ZNF385A: variants seen among roughly 807,000 people sequenced by gnomAD.
ZNF385A encodes hematopoietic zinc finger protein.
ZNF385A carries 14 observed loss-of-function variants against 32.1 expected under a neutral mutation model. That is an observed-to-expected ratio of 0.44 (90% confidence interval 0.29 to 0.68). ZNF385A has a LOEUF of 0.68. ZNF385A is among the 30% of genes least tolerant of loss of function. ZNF385A has a pLI of 0.14. For missense variants in ZNF385A, 406 were observed against 478.4 expected (o/e 0.85, Z 1.41); for synonymous variants, 197 against 202.7 (o/e 0.97, Z 0.24).
chr12:54,382,923 G>A (rs183751046), intron 1 of ZNF385A, among the ~76,000 whole-genome samples: 3 of 152,136 alleles, frequency 2.0e-5, no homozygotes, highest in Non-Finnish European at 2.9e-5. Context: ...CCCAGCACTT[G>A]GGAGGCTGAG....
chr12:54,373,307 G>A (rs2137182076), intron 3 of ZNF385A, among the ~76,000 whole-genome samples: 1 of 152,212 alleles, frequency 6.6e-6, no homozygotes, highest in East Asian at 1.9e-4. Context: ...ATTGACATCC[G>A]ATGTGGTAAT....
chr12:54,375,824 T>G lies in ZNF385A; in HGVS notation c.198+20A>C, dbSNP rs1207711874. 6.2e-7 allele frequency: 1 copy of G among 1,609,774 alleles called. No homozygotes were observed. The highest frequency in any genetic ancestry group is 8.5e-7 in the Non-Finnish European group (1 of 1,176,130). On this transcript the variant is annotated intron_variant, in intron 2 of 6. Transcript: ENST00000394313. ...GCCCCTGCCCCACCCACTGGGTAGA[T>G]GAGCAGCTTGGCTTCTTACCTGAGA...
chr12:54,376,012 C>G lies in ZNF385A; in HGVS notation c.88-58G>C, dbSNP rs967637552. ...CTAGCGCAACTCATGTCCAGCATTC[C>G]CCCAACACAGATATCTGTGTTGAAC... On this transcript the variant is annotated intron_variant, in intron 1 of 6. Transcript: ENST00000394313. 37 of 1,396,056 alleles carry G rather than the reference C, an allele frequency of 2.7e-5. No individual in the cohort carries two copies. The Admixed American group carries it at 6.1e-4, about 23-fold the overall frequency. 86.5% of individuals were successfully genotyped at this position (1,396,056 alleles called of 1,614,324 possible).
chr12:54,374,075 C>A lies in ZNF385A; in HGVS notation c.259G>T (p.Ala87Ser). The A allele has an allele frequency of 6.2e-7, 1 of 1,601,334 alleles. No homozygotes were observed. The highest frequency in any genetic ancestry group is 8.5e-7 in the Non-Finnish European group (1 of 1,171,280). ...RHARRVKGIE[A>S]AKTRGREPGV... ...GGCTCCCTGCCTCTGGTCTTGGCAG[C>A]CTCAATGCCTTTGACTCGTCGGGCG... is the stretch of plus-strand genomic sequence containing the variant. Residue 87 changes from alanine (A) to serine (S), a missense_variant, in exon 3 of 7, where the codon GCT (alanine) becomes TCT (serine). Ala to Ser is a moderately conservative substitution (Grantham distance 99). Transcript: ENST00000394313.
At chr12:54,384,382 G>C in intron 1 of ZNF385A, 46 bp downstream of exon 1, 1 of 1,535,520 alleles carries the variant, frequency 6.5e-7, no homozygotes, top group South Asian at 1.2e-5. Context: ...GAGAGAGAAA[G>C]GTCGGGTCAC....
At chr12:54,379,039 G>A (rs1435936324) in intron 1 of ZNF385A, 293 of 984,192 alleles carry the variant, frequency 3.0e-4, no homozygotes, top group Non-Finnish European at 3.4e-4. Context: ...CGGGAGTCAG[G>A]GAGAGAGGAG....
chr12:54,371,568 C>G lies in ZNF385A; in HGVS notation c.509G>C (p.Ser170Thr). The change falls in exon 4 of 7, where the codon AGC (serine) becomes ACC (threonine). Residue 170 changes from serine to threonine, a missense_variant. Coordinates refer to ENST00000394313, the MANE Select transcript of ZNF385A (RefSeq NM_015481.3). ...TPAPASLPGG[S>T]KEEEEKAKRL... Reference sequence around the variant, plus strand: ...CTTGGCTTTCTCCTCCTCTTCCTTGCTACCCCCAGGCAAGGAAGCCGGGGC... The same window carrying G: ...CTTGGCTTTCTCCTCCTCTTCCTTGGTACCCCCAGGCAAGGAAGCCGGGGC... 1 of 1,613,792 alleles carries G rather than the reference C, an allele frequency of 6.2e-7. No homozygotes were observed. The highest frequency in any genetic ancestry group is 8.5e-7 in the Non-Finnish European group (1 of 1,179,860).
rs1356562204 is a variant in ZNF385A, at chr12:54,369,992, G to T, written c.*264C>A. 11 of 388,550 alleles carry T rather than the reference G, an allele frequency of 2.8e-5. No homozygotes were observed. The highest frequency in any genetic ancestry group is 4.6e-5 in the Non-Finnish European group (10 of 217,958). The allele number at this position is 388,550 out of a possible 1,614,324, so 24.1% of individuals were successfully genotyped here. On this transcript the variant is annotated 3_prime_UTR_variant, in exon 7 of 7. Coordinates refer to ENST00000394313, the MANE Select transcript of ZNF385A (RefSeq NM_015481.3). ...TTGGGAGGGGGGGTGTCTCCAAGGG[G>T]GCTCGGGGGTGAGACGGCCCCCCCT...
chr12:54,390,677 C>A (rs969264574), intron 1 of ZNF385A, among the ~76,000 whole-genome samples: 8 of 150,922 alleles, frequency 5.3e-5, no homozygotes, highest in African/African-American at 1.7e-4. Context: ...CTCTTCTCCC[C>A]AGCCCCTCTG....
intron 4 of ZNF385A, 135 bp from the exon 5 acceptor site, chr12:54,371,231 C>A: frequency 9.0e-7 from 1 of 1,110,618 alleles, no homozygotes. Flanking sequence ...TCTAACTAAG[C>A]TCCTTGGGAC....
rs1592230434 is a variant in ZNF385A at position 54,371,512 on chromosome 12, C to T, written c.565G>A (p.Ala189Thr). ...RLLYCALCKV[A>T]VNSLSQLEAH... The stretch of plus-strand genomic sequence containing the variant: ...TCAAGCTGGGACAGGGAGTTCACAG[C>T]CACCTTGCACAGAGCACAGTAGAGC... The change falls in exon 4 of 7, where the codon GCT (alanine) becomes ACT (threonine). Residue 189 changes from alanine to threonine, a missense_variant. By Grantham distance (58) the Ala-to-Thr change is moderately conservative. Transcript: ENST00000394313. 6.2e-7 allele frequency: 1 copy of T among 1,610,158 alleles called. No homozygotes were observed. Among genetic ancestry groups the T allele is most frequent in the South Asian group, 1.1e-5 (1 of 90,830 alleles).
rs900836833 is a variant in ZNF385A at position 54,373,496 on chromosome 12, A to C, written c.361+477T>G. ...TCTATTTCCCAGAAAAAAAAAAAAA[A>C]AACTCTGACTAGGGAGGTCAAAAGG... On this transcript the variant is annotated intron_variant, in intron 3 of 6. Transcript: ENST00000394313. Among the ~76,000 whole-genome samples the C allele has an allele frequency of 3.3e-5, 5 of 152,044 alleles. 1 individual carries two copies. The highest frequency in any genetic ancestry group is 3.3e-4 in the Admixed American group (5 of 15,290).
chr12:54,370,977 G>A lies in ZNF385A; in HGVS notation c.724C>T (p.His242Tyr). The change falls in exon 5 of 7, where the codon CAC (histidine) becomes TAC (tyrosine). Residue 242 changes from histidine (H) to tyrosine (Y), a missense_variant. By Grantham distance (83) the His-to-Tyr change is moderately conservative. Transcript: ENST00000394313. This position sits in a 1 kb window ranked among gnomAD's most constrained non-coding sequence, Gnocchi z 5.5. ...ACCTTGACATTGCAGATCTCACAGT[G>A]GAAAGTTCGGTCCTGGGCAGGAGCC... ...PEAPAQDRTF[H>Y]CEICNVKVNS... 1 of 1,614,218 alleles carries A rather than the reference G, an allele frequency of 6.2e-7. No individual in the cohort carries two copies. The highest frequency in any genetic ancestry group is 8.5e-7 in the Non-Finnish European group (1 of 1,180,036).
upstream of ZNF385A, chr12:54,384,796 C>G: frequency 4.9e-6 from 6 of 1,233,004 alleles, no homozygotes; most frequent in Non-Finnish European, 6.1e-6. Flanking sequence ...TTCACTTCCC[C>G]CTTTTCCAGC....
At chr12:54,371,231 C>T (rs1220091370) in intron 4 of ZNF385A, 135 bp from the exon 5 acceptor site, 5 of 1,110,498 alleles carry the variant, frequency 4.5e-6, no homozygotes, top group Middle Eastern at 2.3e-4. Context: ...TCTAACTAAG[C>T]TCCTTGGGAC....
At chr12:54,385,288 A>G (rs1055149317), upstream of ZNF385A, 4 of 152,266 alleles carry the variant, frequency 2.6e-5, no homozygotes, top group South Asian at 6.2e-4. Flanking sequence ...GACCTGGCCT[A>G]TGGGCGGGGA....
chr12:54,369,967 T>G lies in ZNF385A; in HGVS notation c.*289A>C. 1.9e-5 allele frequency: 6 copies of G among 313,680 alleles called. No homozygotes were observed. The highest frequency in any genetic ancestry group is 2.4e-5 in the Non-Finnish European group (4 of 170,046). 19.4% of individuals were successfully genotyped at this position (313,680 alleles called of 1,614,324 possible). On this transcript the variant is annotated 3_prime_UTR_variant, in exon 7 of 7. Coordinates refer to ENST00000394313, the MANE Select transcript of ZNF385A (RefSeq NM_015481.3). ...GGGAAGGGCTGGATGGACATGGCTT[T>G]TGGGAGGGGGGGTGTCTCCAAGGGG...
At position 54,370,633 on chromosome 12, in the gene ZNF385A, TC is replaced by T; in HGVS notation, c.862del (p.Glu288SerfsTer6). 1 of 1,600,208 alleles carries T rather than the reference TC, an allele frequency of 6.2e-7. No homozygotes were observed. ...CCAGCATCCAGGCCTCACCGCCAGC[TC>T]CCCGGCGCCCCTAGACTTCTTGTGA... ...SRHKKSRGAG[E>X]LAGTLTFSKE... On this transcript the variant is annotated frameshift_variant, in exon 6 of 7. Coordinates refer to ENST00000394313, the MANE Select transcript of ZNF385A (RefSeq NM_015481.3). LOFTEE classifies it low-confidence loss of function (END_TRUNC). The surrounding 1 kb of genome is among the most constrained non-coding windows in gnomAD (Gnocchi z 5.5).
In ZNF385A at chr12:54,370,135, G is replaced by GGT; in HGVS notation, c.*119_*120dup. 1 of 777,680 alleles carries GGT rather than the reference G, an allele frequency of 1.3e-6. No homozygotes were observed. The highest frequency in any genetic ancestry group is 1.8e-6 in the Non-Finnish European group (1 of 546,652). 48.2% of individuals were successfully genotyped at this position (777,680 alleles called of 1,614,324 possible). On this transcript the variant is annotated 3_prime_UTR_variant, in exon 7 of 7. Coordinates refer to ENST00000394313, the MANE Select transcript of ZNF385A (RefSeq NM_015481.3). This position sits in a 1 kb window ranked among gnomAD's most constrained non-coding sequence, Gnocchi z 5.5. The stretch of plus-strand genomic sequence containing the variant: ...CCTTTCCTGGAACCCCGTATCTCGG[G>GGT]GTGGGGGGGGGGAAGGAGAGATCAT...
Sources: gnomAD v4.1 joint callset for allele counts (sites outside exome capture counted in the v4.1 genomes callset) on GRCh38, gnomAD v4.1.1 for gene constraint, Gnocchi (gnomAD v3.1) non-coding constraint, MANE v1.5 for transcripts, NCBI Gene and HGNC (gene_info 2026-07-23, HGNC 2026-07-21) for gene names.